SEMA3A: variants seen among roughly 807,000 people sequenced by gnomAD.
SEMA3A encodes semaphorin 3A, also known as semaphorin-3A.
In SEMA3A, 29 loss-of-function variants were observed where a neutral mutation model predicts 97.9. The ratio of observed to expected loss-of-function variants is 0.30; its 90% CI spans 0.22 to 0.40. The LOEUF (loss-of-function observed/expected upper bound fraction) is 0.40. Ranked by LOEUF, SEMA3A falls within the 10% of genes least tolerant of loss-of-function variation. SEMA3A has a pLI of 1.00. For missense variants in SEMA3A, 763 were observed against 951.3 expected (o/e 0.80, Z 2.60); for synonymous variants, 321 against 323.7 (o/e 0.99, Z 0.09).
At chr7:84,154,340 T>C (rs1259353405) in intron 1 of SEMA3A, among the ~76,000 whole-genome samples, 1 of 152,006 alleles carries the variant, frequency 6.6e-6, no homozygotes, top group East Asian at 1.9e-4. Flanking sequence ...TTTTGAAAAG[T>C]CAATACAGAT....
intron 1 of SEMA3A, among the ~76,000 whole-genome samples, chr7:84,487,070 T>A (rs1806592296): frequency 6.6e-6 from 1 of 152,174 alleles, no homozygotes; most frequent in African/African-American, 2.4e-5. Flanking sequence ...TGCAGCTAAC[T>A]TCTACTGTGA....
intron 1 of SEMA3A, among the ~76,000 whole-genome samples, chr7:84,173,914 C>G (rs965219759): frequency 6.6e-6 from 1 of 152,138 alleles, no homozygotes; most frequent in Admixed American, 6.5e-5. Context: ...TGTGAGGGAC[C>G]TAGGTTGCAT....
At chr7:84,470,604 T>A (rs1806120865) in intron 1 of SEMA3A, among the ~76,000 whole-genome samples, 3 of 152,080 alleles carry the variant, frequency 2.0e-5, no homozygotes, top group African/African-American at 7.2e-5. Context: ...CAGTTGATGC[T>A]AAAAAAGTAA....
intron 6 of SEMA3A, among the ~76,000 whole-genome samples, chr7:84,035,092 A>G (rs1791893295): frequency 6.6e-6 from 1 of 152,078 alleles, no homozygotes; most frequent in African/African-American, 2.4e-5. Context: ...TTAGATATTA[A>G]TTAGAATAAA....
At chr7:84,354,437 T>C (rs1802508595) in intron 2 of SEMA3A, among the ~76,000 whole-genome samples, 1 of 151,708 alleles carries the variant, frequency 6.6e-6, no homozygotes, top group African/African-American at 2.4e-5. Flanking sequence ...ACCCATTCAA[T>C]TTTTACTTCC....
chr7:84,016,373 A>T (rs1429842635), intron 6 of SEMA3A, among the ~76,000 whole-genome samples: 1 of 151,996 alleles, frequency 6.6e-6, no homozygotes, highest in African/African-American at 2.4e-5. Flanking sequence ...GCCTGTCTCT[A>T]CTAAAAATAC....
chr7:84,149,098 T>A (rs914163599), intron 1 of SEMA3A, among the ~76,000 whole-genome samples: 2 of 152,088 alleles, frequency 1.3e-5, no homozygotes, highest in African/African-American at 4.8e-5. Context: ...CAAGGAAAAA[T>A]TGGATTATCA....
intron 1 of SEMA3A, among the ~76,000 whole-genome samples, chr7:84,145,320 A>C (rs1019452761): frequency 5.3e-5 from 8 of 152,098 alleles, no homozygotes; most frequent in Non-Finnish European, 1.0e-4. Context: ...GTCTTTACTT[A>C]TTTTTGTATG....
At chr7:84,063,920 G>A (rs1202379781) in intron 4 of SEMA3A, among the ~76,000 whole-genome samples, 5 of 150,660 alleles carry the variant, frequency 3.3e-5, no homozygotes, top group South Asian at 2.1e-4. Context: ...TACAGAGAAC[G>A]CCACAAAGAT....
At chr7:84,341,229 TG>T (rs1186295530) in intron 2 of SEMA3A, among the ~76,000 whole-genome samples, 1 of 152,224 alleles carries the variant, frequency 6.6e-6, no homozygotes, top group African/African-American at 2.4e-5. Context: ...TTGTTCCGGC[TG>T]TTAGCATGAG....
At chr7:84,387,308 T>A (rs937883909) in intron 1 of SEMA3A, among the ~76,000 whole-genome samples, 7 of 152,238 alleles carry the variant, frequency 4.6e-5, no homozygotes, top group African/African-American at 1.7e-4. Flanking sequence ...AGATAGATAA[T>A]AAAGCCACAC....
chr7:84,086,821 T>G (rs1471002639), intron 4 of SEMA3A, among the ~76,000 whole-genome samples: 1 of 151,380 alleles, frequency 6.6e-6, no homozygotes, highest in African/African-American at 2.4e-5. Context: ...CTGATAGACT[T>G]CTTTGGTGCT....
At chr7:84,092,919 A>G (rs1794643237) in intron 4 of SEMA3A, among the ~76,000 whole-genome samples, 2 of 152,180 alleles carry the variant, frequency 1.3e-5, no homozygotes, top group Admixed American at 1.3e-4. Flanking sequence ...TCATATGTAT[A>G]CAAGGGATAA....
chr7:84,438,273 A>T (rs2116334231), intron 1 of SEMA3A, among the ~76,000 whole-genome samples: 1 of 152,168 alleles, frequency 6.6e-6, no homozygotes, highest in South Asian at 2.1e-4. Flanking sequence ...TTTTATATGT[A>T]TTTATGTATG....
At chr7:84,476,758 C>T (rs1313120341) in intron 1 of SEMA3A, among the ~76,000 whole-genome samples, 1 of 152,038 alleles carries the variant, frequency 6.6e-6, no homozygotes, top group East Asian at 1.9e-4. Context: ...CAGATTCTTA[C>T]ATTGTAGCTG....
At chr7:84,016,448 G>C (rs1791103483) in intron 6 of SEMA3A, among the ~76,000 whole-genome samples, 1 of 151,420 alleles carries the variant, frequency 6.6e-6, no homozygotes, top group African/African-American at 2.4e-5. Flanking sequence ...TGAGGCAGGA[G>C]AATGGCATTA....
At chr7:84,002,162 T>A in intron 11 of SEMA3A, 116 bp from the exon 12 acceptor site, 1 of 593,398 alleles carries the variant, frequency 1.7e-6, no homozygotes, top group Non-Finnish European at 2.9e-6. Context: ...GTCTTCCTTT[T>A]AATTCATTTT....
At chr7:83,962,970 A>G (rs1434885536) in intron 16 of SEMA3A, among the ~76,000 whole-genome samples, 1 of 152,184 alleles carries the variant, frequency 6.6e-6, no homozygotes, top group Non-Finnish European at 1.5e-5. Flanking sequence ...TGTATCCCCA[A>G]ACTGCTTCTG....
chr7:84,188,487 T>C (rs974888451), intron 1 of SEMA3A, among the ~76,000 whole-genome samples: 1 of 151,972 alleles, frequency 6.6e-6, no homozygotes, highest in African/African-American at 2.4e-5. Context: ...AACCTACAGA[T>C]TAAAAGGAGT....
Sources: allele counts gnomAD v4.1 joint callset (sites outside exome capture counted in the v4.1 genomes callset), GRCh38; gene constraint gnomAD v4.1.1; transcripts MANE v1.5; gene names NCBI Gene and HGNC (gene_info 2026-07-23, HGNC 2026-07-21).